SPIRE1: variants seen among roughly 807,000 people sequenced by gnomAD.
SPIRE1 encodes the protein spire type actin nucleation factor 1, also known as protein spire homolog 1.
Under a neutral mutation model 94.1 loss-of-function variants are expected in SPIRE1, and 40 were observed. The observed-to-expected ratio is 0.43, with a 90% CI of 0.33 to 0.55. SPIRE1 has a LOEUF of 0.55. Ranked by LOEUF, SPIRE1 falls within the 20% of genes least tolerant of loss-of-function variation. The pLI is 0.06. For synonymous variants in SPIRE1, 376 were observed against 371.7 expected, an observed-to-expected ratio of 1.01 and a Z score of -0.13; for missense variants, 838 against 975.2, an observed-to-expected ratio of 0.86 and a Z score of 1.87.
chr18:12,602,062 T>C (rs2036848559), intron 2 of SPIRE1, among the ~76,000 whole-genome samples: 1 of 152,148 alleles, frequency 6.6e-6, no homozygotes, highest in Non-Finnish European at 1.5e-5. Flanking sequence ...TTTCACAGTG[T>C]GTGCGCATGT....
rs577023498 is a variant in SPIRE1, at chr18:12,593,709, G to C, written c.372+41353C>G. 1.7e-4 allele frequency among the ~76,000 whole-genome samples: 26 copies of C among 152,274 alleles called. No homozygotes were observed. The East Asian group carries it at 5.0e-3, about 29-fold the overall frequency. ...TCATGCCTGTAATCCCAGCACTTTG[G>C]GAGGCCGAGGCGGGCGGATCACCTG... On this transcript the variant is annotated intron_variant, in intron 2 of 16. Coordinates refer to ENST00000409402, the MANE Select transcript of SPIRE1 (RefSeq NM_001128626.2).
intron 2 of SPIRE1, among the ~76,000 whole-genome samples, chr18:12,619,944 A>G (rs2037419686): frequency 6.6e-6 from 1 of 152,180 alleles, no homozygotes; most frequent in East Asian, 1.9e-4. Flanking sequence ...TTATAAAAAG[A>G]AAATCCTAAG....
At chr18:12,658,467 G>T, upstream of SPIRE1, 1 of 438,874 alleles carries the variant, frequency 2.3e-6, no homozygotes, top group Non-Finnish European at 4.8e-6. Context: ...AGAGGGTGTC[G>T]CATTTATCAG....
chr18:12,656,076 T>G (rs547546797), intron 1 of SPIRE1, among the ~76,000 whole-genome samples: 1 of 152,148 alleles, frequency 6.6e-6, no homozygotes, highest in Non-Finnish European at 1.5e-5. Flanking sequence ...TTTTTGTATT[T>G]TTAATAGAGA....
chr18:12,579,097 A>AG, intron 2 of SPIRE1, among the ~76,000 whole-genome samples: 1 of 151,828 alleles, frequency 6.6e-6, no homozygotes, highest in East Asian at 1.9e-4. Context: ...AGAGAAGGGG[A>AG]GGAAAAAAAA....
At chr18:12,500,514 G>C (rs2033617530) in intron 6 of SPIRE1, among the ~76,000 whole-genome samples, 2 of 152,162 alleles carry the variant, frequency 1.3e-5, no homozygotes, top group Admixed American at 6.5e-5. Flanking sequence ...TTGCTGGTGG[G>C]AATATTAATT....
chr18:12,497,892 C>T (rs1237256720), intron 6 of SPIRE1, among the ~76,000 whole-genome samples: 4 of 152,172 alleles, frequency 2.6e-5, no homozygotes, highest in African/African-American at 9.7e-5. Context: ...GAGGCCAACC[C>T]TATACGTTCC....
In SPIRE1 at chr18:12,635,075, C is replaced by T. The variant is rs781062636; in HGVS notation, c.359G>A (p.Cys120Tyr). ...PVAGKLGYSQCMETEVIESLG... is the reference protein window; with the variant it reads ...PVAGKLGYSQYMETEVIESLG... Reference sequence around the variant, plus strand: ...TATTTCACTTACCTCTGTTTCCATACATTGTGAATATCCCAATTTACCTGT... The same window carrying T: ...TATTTCACTTACCTCTGTTTCCATATATTGTGAATATCCCAATTTACCTGT... Residue 120 changes from cysteine (C) to tyrosine (Y), a missense_variant, in exon 2 of 17, where the codon TGT (cysteine) becomes TAT (tyrosine). By Grantham distance (194) the Cys-to-Tyr change is radical (BLOSUM62 -2). Coordinates refer to ENST00000409402, the MANE Select transcript of SPIRE1 (RefSeq NM_001128626.2). The T allele has an allele frequency of 6.9e-7, 1 of 1,456,648 alleles. No homozygotes were observed. The highest frequency in any genetic ancestry group is 1.2e-5 in the South Asian group (1 of 81,346). 90.2% of individuals were successfully genotyped at this position (1,456,648 alleles called of 1,614,324 possible).
At chr18:12,493,396 T>C (rs2033312962) in intron 7 of SPIRE1, among the ~76,000 whole-genome samples, 195 bp from the exon 8 acceptor site, 3 of 152,166 alleles carry the variant, frequency 2.0e-5, no homozygotes, top group Admixed American at 2.0e-4. Context: ...GATTTGGTTA[T>C]ACATTCTCAA....
chr18:12,448,172 C>T lies in SPIRE1; in HGVS notation c.*1466G>A, dbSNP rs1470830339. The stretch of plus-strand genomic sequence containing the variant: ...AAGTAATTTTAAGCCTTTTACTAAA[C>T]TGTAAATTTCAATCCATTAAAAACT... On this transcript the variant is annotated 3_prime_UTR_variant, in exon 17 of 17. Coordinates refer to ENST00000409402, the MANE Select transcript of SPIRE1 (RefSeq NM_001128626.2). The surrounding 1 kb of genome is among the most constrained non-coding windows in gnomAD (Gnocchi z 4.4). 1 of 152,608 alleles carries T rather than the reference C, an allele frequency of 6.6e-6. No individual in the cohort carries two copies. Among genetic ancestry groups the T allele is most frequent in the Non-Finnish European group, 1.5e-5 (1 of 68,044 alleles). The allele number at this position is 152,608 out of a possible 1,614,324, so 9.5% of individuals were successfully genotyped here. A position where few individuals can be genotyped will look rare whatever the true frequency, so the allele number is the denominator to read the frequency against.
chr18:12,494,831 T>C (rs1598410880), intron 7 of SPIRE1, among the ~76,000 whole-genome samples: 1 of 71,460 alleles, frequency 1.4e-5, no homozygotes, highest in African/African-American at 6.3e-5. Context: ...AGAGTGAGAC[T>C]CCATCTCAAA....
At chr18:12,641,918 G>A (rs546818879) in intron 1 of SPIRE1, among the ~76,000 whole-genome samples, 20 of 140,688 alleles carry the variant, frequency 1.4e-4, no homozygotes, top group Non-Finnish European at 2.3e-4. Flanking sequence ...TACAGCCTCC[G>A]CCTCCCAGGT....
At chr18:12,636,718 A>T (rs2144827976) in intron 1 of SPIRE1, among the ~76,000 whole-genome samples, 1 of 152,294 alleles carries the variant, frequency 6.6e-6, no homozygotes, top group South Asian at 2.1e-4. Context: ...AAGGGTTTAT[A>T]TAATAGGGTT....
intron 2 of SPIRE1, among the ~76,000 whole-genome samples, chr18:12,563,447 A>C (rs2144409048): frequency 6.6e-6 from 1 of 152,264 alleles, no homozygotes; most frequent in South Asian, 2.1e-4. Flanking sequence ...TCCACCTCCC[A>C]AGTAGCCGGG....
chr18:12,633,778 T>C (rs918665443), intron 2 of SPIRE1, among the ~76,000 whole-genome samples: 1 of 152,134 alleles, frequency 6.6e-6, no homozygotes, highest in African/African-American at 2.4e-5. Context: ...TATTTGGGCA[T>C]TGCCACTAAC....
At chr18:12,536,036 C>T (rs1179408703) in intron 3 of SPIRE1, among the ~76,000 whole-genome samples, 6 of 152,082 alleles carry the variant, frequency 3.9e-5, no homozygotes, top group Non-Finnish European at 8.8e-5. Flanking sequence ...TTCCCATCAT[C>T]CAGGGCTTAA....
At chr18:12,509,269 T>A (rs1321539499) in intron 5 of SPIRE1, among the ~76,000 whole-genome samples, 1 of 152,242 alleles carries the variant, frequency 6.6e-6, no homozygotes, top group Non-Finnish European at 1.5e-5. Context: ...TACGCAAATA[T>A]AACTCCCTCT....
chr18:12,551,066 T>C (rs1385264345), intron 2 of SPIRE1, among the ~76,000 whole-genome samples: 1 of 152,246 alleles, frequency 6.6e-6, no homozygotes, highest in South Asian at 2.1e-4. Flanking sequence ...CTACAGTTTG[T>C]CTCTGGGATG....
intron 6 of SPIRE1, among the ~76,000 whole-genome samples, chr18:12,502,117 T>C (rs1368371968): frequency 6.6e-6 from 1 of 152,208 alleles, no homozygotes; most frequent in Non-Finnish European, 1.5e-5. Flanking sequence ...TACAGATTCC[T>C]AGACTCTAGC....
Sources: gnomAD v4.1 joint callset for allele counts (sites outside exome capture counted in the v4.1 genomes callset) on GRCh38, gnomAD v4.1.1 for gene constraint, Gnocchi (gnomAD v3.1) non-coding constraint, MANE v1.5 for transcripts, NCBI Gene and HGNC (gene_info 2026-07-23, HGNC 2026-07-21) for gene names.